Variants in BRD4 observed in about 807,000 individuals in gnomAD.
The protein encoded by BRD4 is bromodomain containing 4, also known as bromodomain-containing protein 4.
In BRD4, 16 loss-of-function variants were observed where a neutral mutation model predicts 142.1. The observed-to-expected ratio is 0.11, with a 90% CI of 0.08 to 0.17. BRD4 has a LOEUF of 0.17. BRD4 is among the 10% of genes least tolerant of loss of function. The pLI, the probability that BRD4 is intolerant of heterozygous loss-of-function variation, is 1.00. For synonymous variants in BRD4, 833 were observed against 707.5 expected, an observed-to-expected ratio of 1.18 and a Z score of -2.82; for missense variants, 1,424 against 1,810.9, an observed-to-expected ratio of 0.79 and a Z score of 3.88.
At chr19:15,265,759 TGA>T (rs2047528272) in intron 4 of BRD4, 116 bp from the exon 5 acceptor site, 2 of 1,147,090 alleles carry the variant, frequency 1.7e-6, no homozygotes, top group South Asian at 1.3e-5. Context: ...TGCATTTGCC[TGA>T]GAGACGAACA....
At chr19:15,274,737 T>C (rs2047627607) in intron 1 of BRD4, among the ~76,000 whole-genome samples, 1 of 152,266 alleles carries the variant, frequency 6.6e-6, no homozygotes, top group African/African-American at 2.4e-5. Flanking sequence ...TGGGCCATGC[T>C]TGTCTCTTTC....
At chr19:15,328,449 A>T (rs1188115468) in intron 1 of BRD4, among the ~76,000 whole-genome samples, 3 of 152,190 alleles carry the variant, frequency 2.0e-5, no homozygotes, top group Admixed American at 2.0e-4. Flanking sequence ...TAAGTGGGAA[A>T]TGTCCAGTAG....
intron 2 of BRD4, 118 bp from the exon 3 acceptor site, chr19:15,269,160 G>A: frequency 1.8e-6 from 2 of 1,124,850 alleles, no homozygotes; most frequent in Non-Finnish European, 2.5e-6. Flanking sequence ...AAATCCACGG[G>A]AGCCACAGCT....
At chr19:15,243,843 C>T (rs558963098) in intron 13 of BRD4, among the ~76,000 whole-genome samples, 2 of 152,282 alleles carry the variant, frequency 1.3e-5, no homozygotes, top group South Asian at 4.1e-4. Flanking sequence ...TGAGTGCTGT[C>T]CAGGTTCCAT....
intron 6 of BRD4, chr19:15,264,023 A>G (rs983324257): frequency 2.0e-5 from 5 of 246,564 alleles, no homozygotes; most frequent in Non-Finnish European, 3.9e-5. Context: ...TGCCTCCAAC[A>G]CAGAGGAGAC....
intron 14 of BRD4, 49 bp downstream of exon 14, chr19:15,242,851 A>G (rs1472693214): frequency 6.4e-7 from 1 of 1,564,410 alleles, no homozygotes; most frequent in Non-Finnish European, 8.7e-7. Flanking sequence ...GGACAAAACT[A>G]TAGGCCCAGC....
In BRD4 at chr19:15,243,148, GGCTGCTGCTGCA is replaced by G. The variant is rs987111459; in HGVS notation, c.2909_2920del (p.Leu970_Gln973del). On this transcript the variant is annotated inframe_deletion, in exon 14 of 20. Transcript: ENST00000679869. The stretch of plus-strand genomic sequence containing the variant: ...GGGCTGGGGTGGTGGGGGTGGTGGC[GGCTGCTGCTGCA>G]GCTGCTGCTGCACAGAGGGGTGGGG... 8.2e-5 allele frequency: 92 copies of G among 1,117,890 alleles called. No individual in the cohort carries two copies. Among genetic ancestry groups the G allele is most frequent in the Middle Eastern group, 6.1e-4 (2 of 3,304 alleles). 69.2% of individuals were successfully genotyped at this position (1,117,890 alleles called of 1,614,324 possible). A position where few individuals can be genotyped will look rare whatever the true frequency, so the allele number is the denominator to read the frequency against.
At chr19:15,249,292 T>C (rs746382617) in intron 11 of BRD4, 1 of 1,613,852 alleles carries the variant, frequency 6.2e-7, no homozygotes, top group Non-Finnish European at 8.5e-7. Context: ...AGGCAGGACC[T>C]ACGTAGAGGG....
chr19:15,260,196 G>A (rs1020460240), intron 7 of BRD4, among the ~76,000 whole-genome samples: 2 of 152,214 alleles, frequency 1.3e-5, no homozygotes, highest in Non-Finnish European at 2.9e-5. Context: ...TGGAACACAG[G>A]TTTTCTCAAT....
At chr19:15,309,930 T>C (rs1008603022) in intron 1 of BRD4, among the ~76,000 whole-genome samples, 13 of 152,118 alleles carry the variant, frequency 8.5e-5, no homozygotes, top group African/African-American at 2.4e-4. Flanking sequence ...AGCTTGCCAA[T>C]CTGGCTTCAC....
At chr19:15,309,648 C>G (rs895899467) in intron 1 of BRD4, among the ~76,000 whole-genome samples, 9 of 152,290 alleles carry the variant, frequency 5.9e-5, no homozygotes, top group African/African-American at 2.2e-4. Context: ...GAGCCAAAAA[C>G]TAGAAACCAA....
rs200578577 is a variant in BRD4, at chr19:15,264,812, C to T, written c.850-46G>A. 2.0e-5 allele frequency: 31 copies of T among 1,559,684 alleles called. No homozygotes were observed. The East Asian group carries it at 2.9e-4, about 15-fold the overall frequency. ...AACAGGCACAGTCAGAAGTGGCAGC[C>T]GGCACAGCTGCCCTCAGGGTCACCC... is the stretch of plus-strand genomic sequence containing the variant. On this transcript the variant is annotated intron_variant, in intron 5 of 19. Coordinates refer to ENST00000679869, the MANE Select transcript of BRD4 (RefSeq NM_001379291.1).
intron 1 of BRD4, among the ~76,000 whole-genome samples, chr19:15,301,507 G>A (rs2047867247): frequency 6.6e-6 from 1 of 151,230 alleles, no homozygotes; most frequent in Admixed American, 6.6e-5. Context: ...GTTGCAGTGA[G>A]CCGAGATCGC....
At chr19:15,249,725 T>C (rs2047324276) in intron 11 of BRD4, among the ~76,000 whole-genome samples, 1 of 152,106 alleles carries the variant, frequency 6.6e-6, no homozygotes, top group Non-Finnish European at 1.5e-5. Context: ...TGAGCTCATC[T>C]CACCCAGGGG....
At position 15,239,804 on chromosome 19, in the gene BRD4, G is replaced by A. The variant is rs778881856; in HGVS notation, c.3300C>T (p.Ser1100=). The A allele has an allele frequency of 8.7e-6, 14 of 1,613,520 alleles. No homozygotes were observed. The highest frequency in any genetic ancestry group is 3.3e-5 in the Admixed American group (2 of 60,010). Residue 1100 remains serine, a synonymous_variant, in exon 16 of 20, where the codon TCC becomes TCT. Transcript: ENST00000679869. The surrounding 1 kb of genome is among the most constrained non-coding windows in gnomAD (Gnocchi z 7.4). ...QPKKQELRAA[S]VVQPQPLVVV... is the part of the protein sequence containing the mutation. ...CCACGAGGGGCTGGGGCTGGACCAC[G>A]GAGGCAGCACGCAGCTCCTGGGATG...
At chr19:15,272,292 C>A (rs2047596964) in intron 2 of BRD4, among the ~76,000 whole-genome samples, 2 of 152,192 alleles carry the variant, frequency 1.3e-5, no homozygotes, top group African/African-American at 4.8e-5. Context: ...CTTTCTCCAA[C>A]TGGGGACGCC....
rs1001175919 is a variant in BRD4, at chr19:15,254,619, A to T, written c.2048-357T>A. Among the ~76,000 whole-genome samples the T allele has an allele frequency of 5.9e-5, 9 of 152,190 alleles. No individual in the cohort carries two copies. The South Asian group carries it at 6.2e-4, about 11-fold the overall frequency. On this transcript the variant is annotated intron_variant, in intron 10 of 19. Transcript: ENST00000679869. ...TTACTCTTCTAGCAGGGGAAGAAGAAGATCCAAAAGGAACATGCTGCCAAA... is the reference window on the plus strand; with the variant it reads ...TTACTCTTCTAGCAGGGGAAGAAGATGATCCAAAAGGAACATGCTGCCAAA...
chr19:15,286,192 A>C (rs2145657053), intron 1 of BRD4, among the ~76,000 whole-genome samples: 1 of 152,312 alleles, frequency 6.6e-6, no homozygotes, highest in South Asian at 2.1e-4. Context: ...CCAGTAACAC[A>C]AATCAGTCCA....
Position 15,243,438 on chromosome 19 carries a change from G to C in BRD4, c.2631C>G (p.Ala877=). The change falls in exon 14 of 20, where the codon GCC becomes GCG. Residue 877 remains alanine (A), a synonymous_variant. Coordinates refer to ENST00000679869, the MANE Select transcript of BRD4 (RefSeq NM_001379291.1). ...GGGCGGGCTTGGGAGGCAGGGCAGC[G>C]GCTCGGTTGCTGGGCCGTGATGGCT... is the stretch of plus-strand genomic sequence containing the variant. ...PQQPSRPSNR[A]AALPPKPARP... is the part of the protein sequence containing the mutation. 1 of 1,577,066 alleles carries C rather than the reference G, an allele frequency of 6.3e-7. No individual in the cohort carries two copies.
Sources: allele counts gnomAD v4.1 joint callset (sites outside exome capture counted in the v4.1 genomes callset), GRCh38; gene constraint gnomAD v4.1.1; non-coding constraint Gnocchi (gnomAD v3.1); transcripts MANE v1.5; gene names NCBI Gene and HGNC (gene_info 2026-07-23, HGNC 2026-07-21).